Variants in IGSF10 observed in about 807,000 individuals in gnomAD.
The protein encoded by IGSF10 is immunoglobulin superfamily member 10, also known as calvaria mechanical force protein 608.
IGSF10 carries 126 observed loss-of-function variants against 128.2 expected under a neutral mutation model. The observed-to-expected ratio is 0.98, with a 90% CI of 0.85 to 1.14. The LOEUF is 1.14. IGSF10 is among the 50% of genes most tolerant of loss of function. IGSF10 has a pLI of 0.00. For missense variants in IGSF10, 3,295 were observed against 3,149.8 expected (o/e 1.05, Z -1.10); for synonymous variants, 1,185 against 1,146.2 (o/e 1.03, Z -0.68).
At chr3:151,459,191 T>C (rs1287146855) in intron 2 of IGSF10, among the ~76,000 whole-genome samples, 1 of 152,230 alleles carries the variant, frequency 6.6e-6, no homozygotes, top group Non-Finnish European at 1.5e-5. Context: ...TCACCACTTA[T>C]ATAATCCTTA....
chr3:151,546,333 T>A, the IGSF10 span, among the ~76,000 whole-genome samples: 2 of 152,044 alleles, frequency 1.3e-5, no homozygotes, highest in Non-Finnish European at 2.9e-5. Flanking sequence ...ATTTCTATGC[T>A]TGTTATTTAC....
chr3:151,515,303 T>C, the IGSF10 span, among the ~76,000 whole-genome samples: 1 of 151,148 alleles, frequency 6.6e-6, no homozygotes, highest in East Asian at 1.9e-4. Context: ...AAATGATGAG[T>C]TCATGTCCTT....
chr3:151,561,093 TTTG>T, the IGSF10 span, among the ~76,000 whole-genome samples: 1 of 152,198 alleles, frequency 6.6e-6, no homozygotes, highest in African/African-American at 2.4e-5. Flanking sequence ...GAAGAATCTG[TTTG>T]TTATTTGTTT....
chr3:151,532,192 T>C, the IGSF10 span, among the ~76,000 whole-genome samples: 5 of 152,072 alleles, frequency 3.3e-5, no homozygotes, highest in Non-Finnish European at 7.4e-5. Context: ...ATTAATAGCC[T>C]ACAAACACCA....
chr3:151,557,324 T>G, the IGSF10 span, among the ~76,000 whole-genome samples: 4 of 152,140 alleles, frequency 2.6e-5, no homozygotes, highest in Non-Finnish European at 5.9e-5. Flanking sequence ...GAACAGACAG[T>G]TGTCCAGGAC....
At chr3:151,563,558 C>A in the IGSF10 span, among the ~76,000 whole-genome samples, 1 of 152,140 alleles carries the variant, frequency 6.6e-6, no homozygotes, top group East Asian at 1.9e-4. Flanking sequence ...TTGTCCCTGA[C>A]AACAACTTGC....
rs756698700 is a variant in IGSF10, at chr3:151,447,640, G to T, written c.2341C>A (p.Pro781Thr). 1 of 1,614,112 alleles carries T rather than the reference G, an allele frequency of 6.2e-7. No homozygotes were observed. The highest frequency in any genetic ancestry group is 8.5e-7 in the Non-Finnish European group (1 of 1,179,990). The change falls in exon 6 of 8, where the codon CCA (proline) becomes ACA (threonine). Residue 781 changes from proline to threonine, a missense_variant. Coordinates refer to ENST00000282466, the MANE Select transcript of IGSF10 (RefSeq NM_178822.5). Reference sequence around the variant, plus strand: ...ATGTTTGGGAGTTGGGTGACCACTGGGGGTGGGCTCACTGTGGTATTTTCT... The same window carrying T: ...ATGTTTGGGAGTTGGGTGACCACTGTGGGTGGGCTCACTGTGGTATTTTCT... ...KRENTTVSPP[P>T]VVTQLPNIPG...
At chr3:151,544,267 A>T in the IGSF10 span, among the ~76,000 whole-genome samples, 5,060 of 152,238 alleles carry the variant, frequency 0.033, 74 homozygotes, top group East Asian at 0.065. Context: ...GGGTTTGCCT[A>T]GGAGAACATT....
Position 151,453,789 on chromosome 3 carries a change from A to T in IGSF10, c.325-15T>A. 7.0e-7 allele frequency: 1 copy of T among 1,424,384 alleles called. No individual in the cohort carries two copies. The highest frequency in any genetic ancestry group is 9.5e-7 in the Non-Finnish European group (1 of 1,050,538). The allele number at this position is 1,424,384 out of a possible 1,614,324, so 88.2% of individuals were successfully genotyped here. Reference sequence around the variant, plus strand: ...ATTTTTAAGACCTATGAATTAAAAAAAAGAACATATTTATGTTGTCAAAGG... The same window carrying T: ...ATTTTTAAGACCTATGAATTAAAAATAAGAACATATTTATGTTGTCAAAGG... On this transcript the variant is annotated splice_polypyrimidine_tract_variant and intron_variant, in intron 4 of 7. Transcript: ENST00000282466.
chr3:151,581,955 A>T, the IGSF10 span, among the ~76,000 whole-genome samples: 1 of 152,040 alleles, frequency 6.6e-6, no homozygotes, highest in Non-Finnish European at 1.5e-5. Context: ...AATCCCAGCT[A>T]CTTTGGAGGC....
chr3:151,515,773 T>C, the IGSF10 span, among the ~76,000 whole-genome samples: 1 of 150,954 alleles, frequency 6.6e-6, no homozygotes, highest in Non-Finnish European at 1.5e-5. Flanking sequence ...GGTGACTTCT[T>C]AATTGCTAAA....
chr3:151,586,201 C>T, the IGSF10 span, among the ~76,000 whole-genome samples: 133 of 152,218 alleles, frequency 8.7e-4, 1 homozygote, highest in African/African-American at 2.9e-3. Context: ...CTCAAGCGAT[C>T]CGCCCACCTC....
chr3:151,466,593 G>C, the IGSF10 span, among the ~76,000 whole-genome samples: 10 of 151,954 alleles, frequency 6.6e-5, no homozygotes, highest in Non-Finnish European at 8.8e-5. Flanking sequence ...TGTTTTGTTT[G>C]TTCGAGATAG....
the IGSF10 span, among the ~76,000 whole-genome samples, chr3:151,569,929 T>C: frequency 8.7e-6 from 1 of 115,436 alleles, no homozygotes; most frequent in Non-Finnish European, 1.7e-5. Flanking sequence ...TTCCCCTCCC[T>C]GTGTCCAAGT....
the IGSF10 span, among the ~76,000 whole-genome samples, chr3:151,477,197 C>A: frequency 1.3e-5 from 2 of 151,756 alleles, no homozygotes; most frequent in African/African-American, 2.4e-5. Context: ...TTTTTTTAAT[C>A]TCAGCTGTGT....
the IGSF10 span, among the ~76,000 whole-genome samples, chr3:151,539,765 CATCTATCTATCT>C: frequency 5.0e-3 from 738 of 146,592 alleles, 5 homozygotes; most frequent in Middle Eastern, 0.01. Flanking sequence ...ATTTCAACAG[CATCTATCTATCT>C]ATCTATCTAT....
the IGSF10 span, among the ~76,000 whole-genome samples, chr3:151,513,234 G>A: frequency 6.6e-6 from 1 of 151,916 alleles, no homozygotes; most frequent in African/African-American, 2.4e-5. Context: ...CTGGCAAACT[G>A]AATCCAGCAA....
chr3:151,505,613 T>C, the IGSF10 span, among the ~76,000 whole-genome samples: 1 of 152,172 alleles, frequency 6.6e-6, no homozygotes. Flanking sequence ...CTGCAAAGTC[T>C]TATGGGAATG....
the IGSF10 span, among the ~76,000 whole-genome samples, chr3:151,524,374 A>G: frequency 6.6e-6 from 1 of 152,214 alleles, no homozygotes; most frequent in Admixed American, 6.5e-5. Flanking sequence ...ACATGGAATC[A>G]ACCTAAATGT....
Sources: allele counts gnomAD v4.1 joint callset (sites outside exome capture counted in the v4.1 genomes callset), GRCh38; gene constraint gnomAD v4.1.1; transcripts MANE v1.5; gene names NCBI Gene and HGNC (gene_info 2026-07-23, HGNC 2026-07-21).